Variants in CSNK2A2IP observed in about 807,000 individuals in gnomAD.
The protein encoded by CSNK2A2IP is casein kinase 2 subunit alpha' interacting protein, also known as casein kinase II subunit alpha'-interacting protein.
the CSNK2A2IP span, among the ~76,000 whole-genome samples, chr3:88,411,350 C>CATCTATCTATCTATCTATCTATCTATCT: frequency 6.8e-6 from 1 of 146,658 alleles, no homozygotes; most frequent in African/African-American, 2.6e-5. Context: ...CTCTATCTAT[C>CATCTATCTATCTATCTATCTATCTATCT]ATCTATCTAT....
chr3:88,368,220 C>T, the CSNK2A2IP span, among the ~76,000 whole-genome samples: 5 of 151,924 alleles, frequency 3.3e-5, no homozygotes. Flanking sequence ...GTTGCCAGGT[C>T]CTCTTCTAGG....
chr3:88,460,367 T>A, the CSNK2A2IP span, among the ~76,000 whole-genome samples: 4 of 152,200 alleles, frequency 2.6e-5, no homozygotes, highest in African/African-American at 9.7e-5. Flanking sequence ...CTCTTGTTAG[T>A]TCTATTTGTT....
the CSNK2A2IP span, among the ~76,000 whole-genome samples, chr3:88,366,138 C>A: frequency 2.0e-5 from 3 of 152,150 alleles, no homozygotes; most frequent in African/African-American, 2.4e-5. Flanking sequence ...TGCTCTGTAG[C>A]ATTTGCTCCT....
At chr3:88,446,082 CTTTCTTTCTTTCTTTCTTTT>C in the CSNK2A2IP span, among the ~76,000 whole-genome samples, 577 of 99,048 alleles carry the variant, frequency 5.8e-3, 13 homozygotes, top group Middle Eastern at 9.3e-3. Context: ...TTCTTTCTTT[CTTTCTTTCTTTCTTTCTTTT>C]TTTCTTTCTT....
At chr3:88,452,878 C>T in the CSNK2A2IP span, among the ~76,000 whole-genome samples, 1 of 152,018 alleles carries the variant, frequency 6.6e-6, no homozygotes, top group African/African-American at 2.4e-5. Flanking sequence ...TAAAACTTCT[C>T]TTGGTGAGAG....
chr3:88,434,501 G>A, the CSNK2A2IP span, among the ~76,000 whole-genome samples: 2 of 152,000 alleles, frequency 1.3e-5, no homozygotes, highest in Non-Finnish European at 2.9e-5. Flanking sequence ...AGAAAAATAG[G>A]AAACTTAGCT....
At chr3:88,357,312 C>T in the CSNK2A2IP span, among the ~76,000 whole-genome samples, 1 of 152,028 alleles carries the variant, frequency 6.6e-6, no homozygotes, top group Non-Finnish European at 1.5e-5. Context: ...GTTTCATTCT[C>T]TTGCATATGG....
chr3:88,445,418 A>G, the CSNK2A2IP span, among the ~76,000 whole-genome samples: 2,066 of 152,078 alleles, frequency 0.014, 38 homozygotes, highest in African/African-American at 0.048. Context: ...ACTCTAGCCC[A>G]GGCGACAAAA....
chr3:88,361,327 T>C, the CSNK2A2IP span, among the ~76,000 whole-genome samples: 10 of 152,216 alleles, frequency 6.6e-5, no homozygotes, highest in Non-Finnish European at 5.9e-5. Context: ...AGCTTTTGTT[T>C]GTCTGGGAAA....
the CSNK2A2IP span, among the ~76,000 whole-genome samples, chr3:88,421,479 C>T: frequency 7.9e-5 from 12 of 152,118 alleles, no homozygotes; most frequent in South Asian, 2.1e-4. Flanking sequence ...GGCAGTGGCA[C>T]GGTCTCAGCT....
At chr3:88,359,763 A>G in the CSNK2A2IP span, among the ~76,000 whole-genome samples, 1 of 152,174 alleles carries the variant, frequency 6.6e-6, no homozygotes, top group Non-Finnish European at 1.5e-5. Context: ...AATTTTTTAA[A>G]GATGTTTTTT....
the CSNK2A2IP span, among the ~76,000 whole-genome samples, chr3:88,364,390 A>T: frequency 6.6e-6 from 1 of 152,010 alleles, no homozygotes; most frequent in Non-Finnish European, 1.5e-5. Context: ...ATTTAAAAAT[A>T]TTGCATGGGG....
At chr3:88,417,943 G>C in the CSNK2A2IP span, among the ~76,000 whole-genome samples, 1 of 152,154 alleles carries the variant, frequency 6.6e-6, no homozygotes, top group East Asian at 1.9e-4. Context: ...CTAGTTAACT[G>C]TACTTGGGAC....
At chr3:88,406,097 C>G in the CSNK2A2IP span, among the ~76,000 whole-genome samples, 1 of 151,876 alleles carries the variant, frequency 6.6e-6, no homozygotes, top group African/African-American at 2.4e-5. Context: ...TCAACTCTAG[C>G]CTATGCTTTT....
chr3:88,378,814 A>AAGTAAAC, the CSNK2A2IP span, among the ~76,000 whole-genome samples: 1 of 152,034 alleles, frequency 6.6e-6, no homozygotes, highest in African/African-American at 2.4e-5. Context: ...CTTTGTTTAA[A>AAGTAAAC]AGTAAACAAT....
chr3:88,353,990 T>C, the CSNK2A2IP span, among the ~76,000 whole-genome samples: 1 of 152,152 alleles, frequency 6.6e-6, no homozygotes, highest in East Asian at 1.9e-4. Flanking sequence ...CTTGTAGAAA[T>C]GAGTGAGCCC....
At chr3:88,390,740 A>G in the CSNK2A2IP span, among the ~76,000 whole-genome samples, 3 of 152,162 alleles carry the variant, frequency 2.0e-5, no homozygotes, top group African/African-American at 7.2e-5. Context: ...GTGCAGCAAT[A>G]TAAGTATCCA....
At chr3:88,429,255 C>T in the CSNK2A2IP span, among the ~76,000 whole-genome samples, 18 of 152,136 alleles carry the variant, frequency 1.2e-4, no homozygotes, top group African/African-American at 2.2e-4. Flanking sequence ...CTTCCTACTA[C>T]GCAATGAGCT....
the CSNK2A2IP span, among the ~76,000 whole-genome samples, chr3:88,418,300 C>G: frequency 1.3e-5 from 2 of 152,032 alleles, no homozygotes; most frequent in South Asian, 4.1e-4. Flanking sequence ...AGAAAAAGAT[C>G]GTGGTGCAGT....
Sources: allele counts gnomAD v4.1 joint callset (sites outside exome capture counted in the v4.1 genomes callset), GRCh38; gene constraint gnomAD v4.1.1; transcripts MANE v1.5; gene names NCBI Gene and HGNC (gene_info 2026-07-23, HGNC 2026-07-21).